The following CTNNA3 variants were observed in gnomAD, a reference collection of about 807,000 sequenced individuals.
The protein encoded by CTNNA3 is catenin alpha-3.
In CTNNA3, 76 loss-of-function variants were observed where a neutral mutation model predicts 95.7. The observed-to-expected ratio is 0.79, with a 90% CI of 0.66 to 0.96. The LOEUF (loss-of-function observed/expected upper bound fraction) is 0.96, where lower values mean the gene tolerates loss of function less well. Ranked by LOEUF, CTNNA3 falls within the 40% of genes least tolerant of loss-of-function variation. The pLI is 0.00. For synonymous variants in CTNNA3, 431 were observed against 374.4 expected (o/e 1.15, Z -1.74); for missense variants, 1,191 against 1,089.8 (o/e 1.09, Z -1.31).
chr10:67,523,411 C>T (rs1187786220), intron 4 of CTNNA3, among the ~76,000 whole-genome samples: 1 of 152,240 alleles, frequency 6.6e-6, no homozygotes, highest in South Asian at 2.1e-4. Context: ...ACAGGAGTTC[C>T]TATTTCTCTT....
intron 3 of CTNNA3, among the ~76,000 whole-genome samples, chr10:67,579,409 T>G (rs1842299288): frequency 6.6e-6 from 1 of 152,102 alleles, no homozygotes; most frequent in African/African-American, 2.4e-5. Context: ...CTGCATACTA[T>G]TCCATGGGGT....
intron 13 of CTNNA3, among the ~76,000 whole-genome samples, chr10:66,217,084 G>A (rs985942086): frequency 9.2e-5 from 14 of 152,064 alleles, no homozygotes; most frequent in African/African-American, 2.7e-4. Context: ...AGCCGGGCGC[G>A]TTGGCTCACG....
At chr10:66,793,853 A>T (rs1397829568) in intron 7 of CTNNA3, among the ~76,000 whole-genome samples, 4 of 152,112 alleles carry the variant, frequency 2.6e-5, no homozygotes, top group African/African-American at 4.8e-5. Flanking sequence ...GAACAATTCT[A>T]TTTATTCCTT....
intron 14 of CTNNA3, among the ~76,000 whole-genome samples, chr10:66,099,718 A>G (rs566498434): frequency 1.8e-3 from 272 of 152,282 alleles, no homozygotes; most frequent in Middle Eastern, 6.8e-3. Context: ...AATTTAAAGG[A>G]AAATTTGTGT....
chr10:67,370,506 C>T (rs991983461), intron 5 of CTNNA3, among the ~76,000 whole-genome samples: 4 of 152,180 alleles, frequency 2.6e-5, no homozygotes, highest in Non-Finnish European at 5.9e-5. Context: ...ATGCGAATAA[C>T]GACAAATAGC....
chr10:67,695,035 A>T (rs1840937326), intron 1 of CTNNA3, among the ~76,000 whole-genome samples: 1 of 152,188 alleles, frequency 6.6e-6, no homozygotes, highest in Non-Finnish European at 1.5e-5. Context: ...TTAATAGCAC[A>T]CTCAAATATG....
intron 7 of CTNNA3, among the ~76,000 whole-genome samples, chr10:66,992,682 T>C (rs904964323): frequency 6.6e-6 from 1 of 152,294 alleles, no homozygotes; most frequent in East Asian, 1.9e-4. Flanking sequence ...AGTTTTAACA[T>C]TTTGTTGATC....
intron 14 of CTNNA3, among the ~76,000 whole-genome samples, chr10:66,091,374 C>T (rs1210523468): frequency 6.6e-6 from 1 of 151,834 alleles, no homozygotes; most frequent in African/African-American, 2.4e-5. Context: ...GATTCAAGTG[C>T]TGTATCTGAA....
At chr10:66,692,667 C>T (rs555953654) in intron 9 of CTNNA3, among the ~76,000 whole-genome samples, 53 of 152,220 alleles carry the variant, frequency 3.5e-4, no homozygotes, top group Non-Finnish European at 6.8e-4. Flanking sequence ...TTGTCAGATT[C>T]ACCAAAGTTG....
chr10:66,507,407 C>T (rs959426574), intron 11 of CTNNA3, among the ~76,000 whole-genome samples: 5 of 152,004 alleles, frequency 3.3e-5, no homozygotes, highest in African/African-American at 1.2e-4. Flanking sequence ...AAATTATTAA[C>T]TATATTCACC....
upstream of CTNNA3, among the ~76,000 whole-genome samples, chr10:67,698,054 C>T (rs1023674182): frequency 3.3e-5 from 5 of 152,212 alleles, no homozygotes; most frequent in African/African-American, 1.2e-4. Context: ...ACAGCCCCTG[C>T]ATTTTGCATC....
chr10:66,792,805 T>C (rs1841028540), intron 7 of CTNNA3, among the ~76,000 whole-genome samples: 3 of 152,148 alleles, frequency 2.0e-5, no homozygotes. Context: ...AAAACAAACT[T>C]CTAAAGATTG....
chr10:67,443,893 A>T (rs946053633), intron 5 of CTNNA3, among the ~76,000 whole-genome samples: 3 of 152,056 alleles, frequency 2.0e-5, no homozygotes, highest in Admixed American at 1.3e-4. Flanking sequence ...CTGAATGGTA[A>T]TGCCTAGGTT....
At chr10:67,110,098 A>T (rs1257582363) in intron 7 of CTNNA3, among the ~76,000 whole-genome samples, 1 of 152,166 alleles carries the variant, frequency 6.6e-6, no homozygotes, top group Non-Finnish European at 1.5e-5. Flanking sequence ...TTCACTCTAG[A>T]TAGTTTTCTA....
At chr10:66,554,762 CA>C (rs1242238797) in intron 10 of CTNNA3, among the ~76,000 whole-genome samples, 1 of 152,014 alleles carries the variant, frequency 6.6e-6, no homozygotes, top group Non-Finnish European at 1.5e-5. Context: ...CTTTTTATCT[CA>C]TTAACAGAAT....
intron 7 of CTNNA3, among the ~76,000 whole-genome samples, chr10:67,028,562 T>C (rs1320550133): frequency 6.6e-6 from 1 of 151,208 alleles, no homozygotes; most frequent in African/African-American, 2.4e-5. Flanking sequence ...AAATAGAATG[T>C]AGTTATGTCA....
intron 9 of CTNNA3, among the ~76,000 whole-genome samples, chr10:66,744,142 C>T (rs1367355897): frequency 6.6e-6 from 1 of 152,086 alleles, no homozygotes; most frequent in Non-Finnish European, 1.5e-5. Context: ...CTAAAATGAT[C>T]CGAATCCATG....
At chr10:66,600,305 A>G (rs960097384) in intron 10 of CTNNA3, among the ~76,000 whole-genome samples, 1 of 151,900 alleles carries the variant, frequency 6.6e-6, no homozygotes, top group African/African-American at 2.4e-5. Context: ...AAATAAGAAC[A>G]TATACCTTGA....
chr10:66,017,722 T>C (rs990056679), intron 15 of CTNNA3, among the ~76,000 whole-genome samples: 2 of 152,138 alleles, frequency 1.3e-5, no homozygotes, highest in African/African-American at 4.8e-5. Flanking sequence ...ACAGAACTAT[T>C]GTTAACCGAC....
Sources: gnomAD v4.1 joint callset for allele counts (sites outside exome capture counted in the v4.1 genomes callset) on GRCh38, gnomAD v4.1.1 for gene constraint, MANE v1.5 for transcripts, NCBI Gene and HGNC (gene_info 2026-07-23, HGNC 2026-07-21) for gene names.